PTGIS: variants seen among roughly 807,000 people sequenced by gnomAD.
PTGIS encodes the protein prostaglandin I2 synthase, also known as prostacyclin synthase.
In PTGIS, 45 loss-of-function variants were observed where a neutral mutation model predicts 50.3. The ratio of observed to expected loss-of-function variants is 0.90; its 90% confidence interval spans 0.70 to 1.15. PTGIS has a LOEUF of 1.15. Ranked by LOEUF, PTGIS falls within the 50% of genes most tolerant of loss-of-function variation. The pLI is 0.00. For missense variants in PTGIS, 668 were observed against 661.3 expected (o/e 1.01, Z -0.11); for synonymous variants, 260 against 267.7 (o/e 0.97, Z 0.28).
chr20:49,523,376 G>A (rs1025236057), intron 6 of PTGIS, among the ~76,000 whole-genome samples: 8 of 152,058 alleles, frequency 5.3e-5, no homozygotes, highest in Non-Finnish European at 1.0e-4. Flanking sequence ...GAAAGCAAAG[G>A]TGGTAAAATG....
intron 5 of PTGIS, among the ~76,000 whole-genome samples, chr20:49,539,222 A>T (rs1329464459): frequency 6.6e-6 from 1 of 152,118 alleles, no homozygotes; most frequent in Non-Finnish European, 1.5e-5. Context: ...CCTGTAAATT[A>T]TTCTATATGG....
At chr20:49,522,148 T>C (rs543367225) in intron 6 of PTGIS, among the ~76,000 whole-genome samples, 7 of 152,244 alleles carry the variant, frequency 4.6e-5, no homozygotes, top group African/African-American at 1.7e-4. Flanking sequence ...TCCCTCACTC[T>C]GCTTCAGCTG....
intron 5 of PTGIS, among the ~76,000 whole-genome samples, chr20:49,527,954 G>C (rs994129823): frequency 2.6e-5 from 4 of 152,006 alleles, no homozygotes; most frequent in Non-Finnish European, 5.9e-5. Context: ...TGACCAACAT[G>C]GTGAAACCCC....
At chr20:49,512,992 G>A in intron 8 of PTGIS, 88 bp downstream of exon 8, 1 of 1,513,836 alleles carries the variant, frequency 6.6e-7, no homozygotes, top group East Asian at 2.3e-5. Context: ...AAAGAGCAGA[G>A]CCAGGCTGCC....
intron 9 of PTGIS, 54 bp from the exon 10 acceptor site, chr20:49,508,118 T>A (rs1199940687): frequency 1.2e-6 from 2 of 1,603,626 alleles, no homozygotes; most frequent in Non-Finnish European, 1.7e-6. Context: ...CAGGGGGTTA[T>A]CGGGAACAAG....
chr20:49,509,915 G>T (rs1981269173), intron 9 of PTGIS, among the ~76,000 whole-genome samples: 3 of 114,858 alleles, frequency 2.6e-5, no homozygotes, highest in African/African-American at 3.5e-5. Flanking sequence ...TGGAGACAGA[G>T]TCTCACTCTG....
Position 49,528,836 on chromosome 20 carries a change from T to C in PTGIS, c.674-4597A>G, listed in dbSNP as rs143515682. ...AAAGAAAAATAAGAATATAGTCACA[T>C]TCACTTGCACTTGTGTGAAGGAACT... On this transcript the variant is annotated intron_variant, in intron 5 of 9. Coordinates refer to ENST00000244043, the MANE Select transcript of PTGIS (RefSeq NM_000961.4). Among the ~76,000 whole-genome samples the C allele has an allele frequency of 3.7e-3, 561 of 152,348 alleles. 3 individuals are homozygous for C. The highest frequency in any genetic ancestry group is 0.017 in the Middle Eastern group (5 of 294).
intron 7 of PTGIS, 32 bp from the exon 8 acceptor site, chr20:49,513,293 G>C (rs774403625): frequency 5.6e-6 from 9 of 1,604,612 alleles, no homozygotes; most frequent in Non-Finnish European, 6.8e-6. Context: ...AAGAGTCAGC[G>C]GGCTATCCCT....
chr20:49,541,143 G>A (rs1162807140), intron 4 of PTGIS, among the ~76,000 whole-genome samples: 7 of 152,182 alleles, frequency 4.6e-5, no homozygotes, highest in Admixed American at 4.6e-4. Flanking sequence ...TCAAACATTT[G>A]GGGAAACTCA....
intron 5 of PTGIS, 35 bp from the exon 6 acceptor site, chr20:49,524,274 G>T: frequency 6.2e-7 from 1 of 1,609,188 alleles, no homozygotes; most frequent in Non-Finnish European, 8.5e-7. Context: ...AGGGGTTACA[G>T]ATTCACCATC....
At chr20:49,560,051 G>A (rs1376637098) in intron 1 of PTGIS, among the ~76,000 whole-genome samples, 1 of 151,848 alleles carries the variant, frequency 6.6e-6, no homozygotes, top group Admixed American at 6.6e-5. Context: ...AGCCTGCCGA[G>A]TAGCTGGGAT....
intron 1 of PTGIS, among the ~76,000 whole-genome samples, chr20:49,563,700 A>G (rs113031710): frequency 0.021 from 3,238 of 152,280 alleles, 117 homozygotes; most frequent in African/African-American, 0.07. Flanking sequence ...CTGTTGGGTG[A>G]CCTCTGGTCA....
At chr20:49,508,182 G>A in intron 9 of PTGIS, 118 bp from the exon 10 acceptor site, 1 of 1,207,548 alleles carries the variant, frequency 8.3e-7, no homozygotes, top group Non-Finnish European at 1.2e-6. Context: ...AGTAAAGTGA[G>A]GAGAGGAGTG....
At chr20:49,539,980 G>T (rs571338133) in intron 4 of PTGIS, among the ~76,000 whole-genome samples, 21 of 152,334 alleles carry the variant, frequency 1.4e-4, no homozygotes, top group Middle Eastern at 6.8e-3. Flanking sequence ...GGTGCCCCGC[G>T]GCACTGTCAG....
At chr20:49,536,487 T>C (rs1982076872) in intron 5 of PTGIS, among the ~76,000 whole-genome samples, 1 of 142,372 alleles carries the variant, frequency 7.0e-6, no homozygotes, top group Admixed American at 6.9e-5. Flanking sequence ...TCTTTTTTTT[T>C]TTTTTTTTTT....
In PTGIS at chr20:49,513,797, G is replaced by A. The variant is rs539784223; in HGVS notation, c.1024+430C>T. Among the ~76,000 whole-genome samples the A allele has an allele frequency of 1.2e-3, 184 of 152,274 alleles. 1 individual carries two copies. Among genetic ancestry groups the A allele is most frequent in the African/African-American group, 4.4e-3 (183 of 41,544 alleles). The stretch of plus-strand genomic sequence containing the variant: ...GGGACTCTTGGTGGGAACACTGTAA[G>A]AGATTCAGAGTCTCACAGAGCCAGG... On this transcript the variant is annotated intron_variant, in intron 7 of 9. Coordinates refer to ENST00000244043, the MANE Select transcript of PTGIS (RefSeq NM_000961.4).
At chr20:49,559,637 A>T (rs369949809) in intron 1 of PTGIS, among the ~76,000 whole-genome samples, 2 of 152,348 alleles carry the variant, frequency 1.3e-5, no homozygotes, top group South Asian at 4.1e-4. Context: ...TGAAGTACTG[A>T]TTCATGCTAC....
intron 5 of PTGIS, among the ~76,000 whole-genome samples, chr20:49,527,928 G>T (rs1981830811): frequency 6.6e-6 from 1 of 152,072 alleles, no homozygotes; most frequent in Non-Finnish European, 1.5e-5. Flanking sequence ...TTGAGTTCAG[G>T]AGTTTGAAGC....
intron 9 of PTGIS, among the ~76,000 whole-genome samples, chr20:49,509,011 G>T (rs747691449): frequency 6.6e-6 from 1 of 152,220 alleles, no homozygotes; most frequent in Non-Finnish European, 1.5e-5. Flanking sequence ...GGATTCTTTT[G>T]TCTCACTGAA....
Sources: allele counts gnomAD v4.1 joint callset (sites outside exome capture counted in the v4.1 genomes callset), GRCh38; gene constraint gnomAD v4.1.1; transcripts MANE v1.5; gene names NCBI Gene and HGNC (gene_info 2026-07-23, HGNC 2026-07-21).